CFAP47: variants seen among roughly 807,000 people sequenced by gnomAD.
CFAP47 encodes cilia- and flagella-associated protein 47.
In CFAP47, 29 loss-of-function variants were observed where a neutral mutation model predicts 148.1. The observed-to-expected ratio is 0.20, with a 90% CI of 0.15 to 0.27. CFAP47 has a LOEUF of 0.27. CFAP47 is among the 10% of genes least tolerant of loss of function. The probability of loss-of-function intolerance (pLI) is 1.00; values close to 1 mark genes in which losing one functional copy is unlikely to be tolerated. For synonymous variants in CFAP47, 664 were observed against 577.3 expected, an observed-to-expected ratio of 1.15 and a Z score of -2.15; for missense variants, 1,872 against 1,697.5, an observed-to-expected ratio of 1.10 and a Z score of -1.81.
intron 50 of CFAP47, among the ~76,000 whole-genome samples, chrX:36,282,039 A>G (rs1240289990): frequency 1.8e-5 from 2 of 111,654 alleles, no homozygotes; most frequent in Admixed American, 1.9e-4. Context: ...GTCAATAGAA[A>G]AAAAAAGAAA....
intron 52 of CFAP47, among the ~76,000 whole-genome samples, chrX:36,300,737 T>G (rs2146957536): frequency 8.9e-6 from 1 of 112,273 alleles, no homozygotes; most frequent in South Asian, 3.7e-4. Flanking sequence ...TAAATTTGAC[T>G]TAGTCACAGT....
At position 36,085,370 on chromosome X, in the gene CFAP47, G is replaced by T. The variant is rs1370099403; in HGVS notation, c.4748G>T (p.Arg1583Ile). The change falls in exon 30 of 64, where the codon AGA (arginine) becomes ATA (isoleucine). Residue 1583 changes from arginine (R) to isoleucine (I), a missense_variant. Physicochemically the swap from Arg to Ile is moderately conservative, Grantham distance 97. Coordinates refer to ENST00000378653, the MANE Select transcript of CFAP47 (RefSeq NM_001304548.2). ...SSTSPPQKFSRQNDFSKYNKT... is the reference protein window; with the variant it reads ...SSTSPPQKFSIQNDFSKYNKT... ...ACCTCGCCACCCCAAAAGTTTTCCA[G>T]ACAGAATGACTTTTCCAAATATAAT... is the stretch of plus-strand genomic sequence containing the variant. 8.3e-7 allele frequency: 1 copy of T among 1,205,233 alleles called. No individual in the cohort carries two copies. The highest frequency in any genetic ancestry group is 1.8e-5 in the African/African-American group (1 of 56,541).
intron 32 of CFAP47, among the ~76,000 whole-genome samples, chrX:36,104,233 T>C (rs1938428856): frequency 8.9e-6 from 1 of 112,247 alleles, no homozygotes; most frequent in Non-Finnish European, 1.9e-5. Context: ...AATGCAGTTA[T>C]GTTTTAAATG....
At chrX:36,128,105 C>T (rs983410732) in intron 33 of CFAP47, among the ~76,000 whole-genome samples, 2 of 110,978 alleles carry the variant, frequency 1.8e-5, no homozygotes, top group Admixed American at 9.7e-5. Context: ...TGCCTGATTT[C>T]CCTGGCCAGA....
intron 39 of CFAP47, among the ~76,000 whole-genome samples, chrX:36,165,437 T>C (rs996060387): frequency 3.6e-5 from 4 of 111,709 alleles, no homozygotes; most frequent in African/African-American, 1.3e-4. Context: ...TTACTTATCA[T>C]AATCAACTTC....
At chrX:36,304,317 G>A (rs189894947) in intron 54 of CFAP47, among the ~76,000 whole-genome samples, 682 of 109,031 alleles carry the variant, frequency 6.3e-3, no homozygotes, top group African/African-American at 0.022. Flanking sequence ...AGGTTGCAGC[G>A]GTTGCAGTGA....
chrX:36,061,497 C>G (rs7055879), intron 26 of CFAP47, among the ~76,000 whole-genome samples: 2,943 of 111,696 alleles, frequency 0.026, 109 homozygotes, highest in African/African-American at 0.09. Context: ...TACATAAGAG[C>G]ACCAGGATTA....
At chrX:35,978,137 CCTT>C (rs1299057217) in intron 15 of CFAP47, among the ~76,000 whole-genome samples, 1 of 111,836 alleles carries the variant, frequency 8.9e-6, no homozygotes, top group Non-Finnish European at 1.9e-5. Context: ...TTTAGATAAA[CCTT>C]CTTCAGTTTG....
intron 39 of CFAP47, among the ~76,000 whole-genome samples, chrX:36,168,751 G>C (rs1310422987): frequency 9.0e-6 from 1 of 111,388 alleles, no homozygotes; most frequent in Non-Finnish European, 1.9e-5. Flanking sequence ...AAATGAGAAA[G>C]GCAAATATAA....
intron 62 of CFAP47, among the ~76,000 whole-genome samples, chrX:36,368,610 GA>G (rs1403823640): frequency 9.0e-6 from 1 of 110,910 alleles, no homozygotes; most frequent in Non-Finnish European, 1.9e-5. Flanking sequence ...ATACTCTTGT[GA>G]AAAAAATTGG....
intron 44 of CFAP47, among the ~76,000 whole-genome samples, chrX:36,203,672 G>A (rs1339738438): frequency 1.1e-4 from 12 of 111,779 alleles, no homozygotes; most frequent in Middle Eastern, 4.2e-3. Context: ...GAGCCTTGTC[G>A]TTGTTTAATT....
intron 21 of CFAP47, among the ~76,000 whole-genome samples, chrX:36,004,112 A>G (rs1936952582): frequency 9.2e-6 from 1 of 108,238 alleles, no homozygotes; most frequent in Admixed American, 1.0e-4. Flanking sequence ...AGCTGGGAGT[A>G]CAGGCATGTG....
intron 28 of CFAP47, 25 bp from the exon 29 acceptor site, chrX:36,073,114 T>A (rs1189818930): frequency 2.7e-6 from 3 of 1,127,932 alleles, no homozygotes; most frequent in African/African-American, 3.6e-5. Context: ...GTAGCCCTTT[T>A]TTAACAAACT....
At chrX:36,075,693 G>A (rs1025471677) in intron 29 of CFAP47, among the ~76,000 whole-genome samples, 1 of 111,360 alleles carries the variant, frequency 9.0e-6, no homozygotes, top group Admixed American at 9.6e-5. Context: ...CTTCCCTCAT[G>A]TCTCCTTCTG....
chrX:35,945,753 C>T (rs1028413219), intron 3 of CFAP47, among the ~76,000 whole-genome samples: 3 of 111,183 alleles, frequency 2.7e-5, no homozygotes, highest in African/African-American at 3.3e-5. Context: ...ATTTTCCTGA[C>T]GTTACTTCCT....
intron 24 of CFAP47, 73 bp downstream of exon 24, chrX:36,035,927 T>C (rs1937332745): frequency 7.1e-6 from 2 of 282,114 alleles, no homozygotes; most frequent in Non-Finnish European, 1.2e-5. Context: ...TTTTATTATG[T>C]ATACAGAAAT....
intron 52 of CFAP47, among the ~76,000 whole-genome samples, chrX:36,299,422 A>G (rs2146956575): frequency 9.0e-6 from 1 of 111,611 alleles, no homozygotes; most frequent in Admixed American, 9.6e-5. Flanking sequence ...GTAAATCTTT[A>G]TGGATGCAAA....
chrX:36,144,076 T>C (rs5973597), intron 35 of CFAP47, among the ~76,000 whole-genome samples: 11,747 of 111,610 alleles, frequency 0.11, 1,218 homozygotes, highest in African/African-American at 0.32. Flanking sequence ...TATAGTAATT[T>C]GCTTTTCTGA....
chrX:36,228,772 A>G lies in CFAP47; in HGVS notation c.6962A>G (p.Lys2321Arg). The change falls in exon 46 of 64, where the codon AAA becomes AGA. Residue 2321 changes from lysine to arginine, a missense_variant. Physicochemically the swap from Lys to Arg is conservative, Grantham distance 26 (BLOSUM62 2). Coordinates refer to ENST00000378653, the MANE Select transcript of CFAP47 (RefSeq NM_001304548.2). ...GIVNEEQPEA[K>R]FEFETPAFEA... is the part of the protein sequence containing the mutation. Reference sequence around the variant, plus strand: ...GTGAATGAAGAACAACCAGAGGCCAAATTTGAGTTTGAAACACCAGCATTT... The same window carrying G: ...GTGAATGAAGAACAACCAGAGGCCAGATTTGAGTTTGAAACACCAGCATTT... 1 of 524,943 alleles carries G rather than the reference A, an allele frequency of 1.9e-6. No homozygotes were observed. The highest frequency in any genetic ancestry group is 3.1e-4 in the Middle Eastern group (1 of 3,189). 43.3% of individuals were successfully genotyped at this position (524,943 alleles called of 1,213,427 possible).
Sources: gnomAD v4.1 joint callset for allele counts (sites outside exome capture counted in the v4.1 genomes callset) on GRCh38, gnomAD v4.1.1 for gene constraint, MANE v1.5 for transcripts, NCBI Gene and HGNC (gene_info 2026-07-23, HGNC 2026-07-21) for gene names.